Variants in CRISPLD2 observed in about 807,000 individuals in gnomAD.
The protein encoded by CRISPLD2 is cysteine rich secretory protein LCCL domain containing 2.
In CRISPLD2, 47 loss-of-function variants were observed where a neutral mutation model predicts 71.1. The observed-to-expected ratio is 0.66, with a 90% CI of 0.52 to 0.84. CRISPLD2 has a LOEUF of 0.84. Among genes scored for constraint, CRISPLD2 ranks in the 40% least tolerant of loss-of-function variants. The probability of loss-of-function intolerance (pLI) is 0.00; values close to 1 mark genes in which losing one functional copy is unlikely to be tolerated. For missense variants in CRISPLD2, 830 were observed against 651.1 expected (o/e 1.27, Z -2.99); for synonymous variants, 317 against 250.1 (o/e 1.27, Z -2.52).
chr16:84,825,075 C>G (rs774932336), intron 1 of CRISPLD2, among the ~76,000 whole-genome samples: 2 of 152,120 alleles, frequency 1.3e-5, no homozygotes, highest in Admixed American at 6.5e-5. Flanking sequence ...CCACTGCACT[C>G]CAGCCTGGGT....
chr16:84,885,837 G>A (rs868839080), intron 13 of CRISPLD2, among the ~76,000 whole-genome samples: 30 of 74,290 alleles, frequency 4.0e-4, no homozygotes, highest in Middle Eastern at 8.6e-3. Context: ...TTTTTTTTGA[G>A]ATGGGATCTG....
chr16:84,895,301 C>A (rs905754689), intron 14 of CRISPLD2, among the ~76,000 whole-genome samples: 1 of 152,200 alleles, frequency 6.6e-6, no homozygotes, highest in African/African-American at 2.4e-5. Flanking sequence ...GCACTCATGA[C>A]TTCCTCAGCC....
intron 6 of CRISPLD2, among the ~76,000 whole-genome samples, 155 bp from the exon 7 acceptor site, chr16:84,866,742 T>G (rs1917548365): frequency 6.6e-6 from 1 of 152,224 alleles, no homozygotes; most frequent in Admixed American, 6.5e-5. Flanking sequence ...TGGCCAGGTC[T>G]GTTCTGAAAT....
At chr16:84,881,547 G>A (rs545992329) in intron 13 of CRISPLD2, among the ~76,000 whole-genome samples, 34 of 152,288 alleles carry the variant, frequency 2.2e-4, no homozygotes, top group Non-Finnish European at 3.5e-4. Context: ...GTGGCGGAAC[G>A]GCCCAGAACC....
In CRISPLD2 at chr16:84,864,207, C is replaced by T. The variant is rs113332708; in HGVS notation, c.710-2690C>T. 2.0e-3 allele frequency among the ~76,000 whole-genome samples: 299 copies of T among 152,232 alleles called. 1 individual carries two copies. The highest frequency in any genetic ancestry group is 6.7e-3 in the African/African-American group (279 of 41,546). On this transcript the variant is annotated intron_variant, in intron 6 of 14. Coordinates refer to ENST00000262424, the MANE Select transcript of CRISPLD2 (RefSeq NM_031476.4). ...CCGTGACCTCTGCACGGAATTTCCC[C>T]AGGCCCGTGCTGGGCCATACAAGGT... is the stretch of plus-strand genomic sequence containing the variant.
chr16:84,836,468 C>T (rs1375436809), intron 1 of CRISPLD2: 2 of 152,194 alleles, frequency 1.3e-5, no homozygotes. Flanking sequence ...CACGCAGCCC[C>T]GGGCTCGGCT....
At chr16:84,832,620 T>C (rs916449583) in intron 1 of CRISPLD2, among the ~76,000 whole-genome samples, 5 of 152,200 alleles carry the variant, frequency 3.3e-5, no homozygotes, top group African/African-American at 4.8e-5. Context: ...GTCTTAGCAA[T>C]GAGCAGGAAT....
chr16:84,907,608 A>C lies in CRISPLD2; in HGVS notation c.*966A>C, dbSNP rs1019266209. 3.9e-5 allele frequency: 6 copies of C among 152,230 alleles called. No individual in the cohort carries two copies. Among genetic ancestry groups the C allele is most frequent in the African/African-American group, 1.4e-4 (6 of 41,452 alleles). The allele number at this position is 152,230 out of a possible 1,614,324, so 9.4% of individuals were successfully genotyped here. A position where few individuals can be genotyped will look rare whatever the true frequency, so the allele number is the denominator to read the frequency against. On this transcript the variant is annotated 3_prime_UTR_variant, in exon 15 of 15. Coordinates refer to ENST00000262424, the MANE Select transcript of CRISPLD2 (RefSeq NM_031476.4). ...CGAGATGTCTGAGAACAACCAAAGA[A>C]GGCCTGCTCTTTGCTGCTTTTAAAA...
At chr16:84,848,242 G>C (rs866952506) in intron 3 of CRISPLD2, among the ~76,000 whole-genome samples, 18 of 152,156 alleles carry the variant, frequency 1.2e-4, no homozygotes, top group Admixed American at 3.3e-4. Context: ...TCCTCACTGT[G>C]TGCACGCCTT....
chr16:84,882,465 C>A (rs1463179884), intron 13 of CRISPLD2, among the ~76,000 whole-genome samples: 2 of 151,584 alleles, frequency 1.3e-5, no homozygotes, highest in African/African-American at 4.9e-5. Context: ...GGCTGGAGTG[C>A]AATTGCACGA....
chr16:84,825,828 G>A (rs1013618548), intron 1 of CRISPLD2, among the ~76,000 whole-genome samples: 8 of 151,956 alleles, frequency 5.3e-5, no homozygotes, highest in South Asian at 2.1e-4. Context: ...TTAGCCAGCC[G>A]TGGTAGGGCA....
At chr16:84,890,534 C>G (rs1001808623) in intron 14 of CRISPLD2, among the ~76,000 whole-genome samples, 2 of 152,052 alleles carry the variant, frequency 1.3e-5, no homozygotes, top group Non-Finnish European at 2.9e-5. Context: ...CCTTTCCATC[C>G]CAGGGAGCAG....
chr16:84,822,494 G>A (rs772010518), intron 1 of CRISPLD2, among the ~76,000 whole-genome samples: 1 of 152,208 alleles, frequency 6.6e-6, no homozygotes, highest in Non-Finnish European at 1.5e-5. Flanking sequence ...GTCATTTGCT[G>A]TGTGTGGGAG....
At chr16:84,906,426 G>A (rs1199021832) in intron 14 of CRISPLD2, among the ~76,000 whole-genome samples, 162 bp from the exon 15 acceptor site, 2 of 152,186 alleles carry the variant, frequency 1.3e-5, no homozygotes, top group African/African-American at 4.8e-5. Context: ...CTCAACTCAA[G>A]GCAGGCTCTG....
In CRISPLD2 at chr16:84,859,754, C is replaced by T. The variant is rs76915249; in HGVS notation, c.709+4925C>T. On this transcript the variant is annotated intron_variant, in intron 6 of 14. Coordinates refer to ENST00000262424, the MANE Select transcript of CRISPLD2 (RefSeq NM_031476.4). ...AATTAGCCAATGACAGGACTCTACA[C>T]GAGCCAGACTATTCTGATTGCTGCT... Among the ~76,000 whole-genome samples, 487 of 152,352 alleles carry T rather than the reference C, an allele frequency of 3.2e-3. 21 individuals are homozygous for T. The East Asian group carries it at 0.084, about 26-fold the overall frequency.
chr16:84,888,440 G>A (rs2071631908), intron 13 of CRISPLD2, among the ~76,000 whole-genome samples: 1 of 152,222 alleles, frequency 6.6e-6, no homozygotes, highest in African/African-American at 2.4e-5. Context: ...GGAGGCTGAG[G>A]TGGGAGGATC....
In CRISPLD2 at chr16:84,845,712, C is replaced by T. The variant is rs878885090; in HGVS notation, c.241-74C>T. 6.1e-5 allele frequency: 59 copies of T among 962,712 alleles called. 1 individual carries two copies. In the South Asian group the frequency reaches 6.2e-4, roughly 10 times the overall value. The allele number at this position is 962,712 out of a possible 1,614,324, so 59.6% of individuals were successfully genotyped here. On this transcript the variant is annotated intron_variant, in intron 2 of 14. Transcript: ENST00000262424. ...GGCTCCACAGGAGCCCAGGCTGGGG[C>T]GTTGCTGTATTTATGGTTCTTATGC... is the stretch of plus-strand genomic sequence containing the variant.
rs1450990032 is a variant in CRISPLD2, at chr16:84,839,475, G to T, written c.240+740G>T. 1.9e-5 allele frequency: 3 copies of T among 161,816 alleles called. No homozygotes were observed. In the East Asian group the frequency reaches 5.5e-4, roughly 29 times the overall value. 10.0% of individuals were successfully genotyped at this position (161,816 alleles called of 1,614,324 possible). On this transcript the variant is annotated intron_variant, in intron 2 of 14. Coordinates refer to ENST00000262424, the MANE Select transcript of CRISPLD2 (RefSeq NM_031476.4). ...GGTTGCCATGACTGTGAGATAAGTC[G>T]AGGCTGTGAAGGGCCCGGCACAGAC...
At chr16:84,883,204 C>T (rs980139028) in intron 13 of CRISPLD2, among the ~76,000 whole-genome samples, 1 of 152,196 alleles carries the variant, frequency 6.6e-6, no homozygotes, top group African/African-American at 2.4e-5. Context: ...CTTTTCTGGC[C>T]TCAGTTTCTA....
Sources: allele counts gnomAD v4.1 joint callset (sites outside exome capture counted in the v4.1 genomes callset), GRCh38; gene constraint gnomAD v4.1.1; transcripts MANE v1.5; gene names NCBI Gene and HGNC (gene_info 2026-07-23, HGNC 2026-07-21).